Variants in FAM193B observed in about 807,000 individuals in gnomAD.
The protein encoded by FAM193B is family with sequence similarity 193 member B, also known as protein FAM193B.
FAM193B carries 27 observed loss-of-function variants against 70.7 expected under a neutral mutation model. The observed-to-expected ratio is 0.38, with a 90% CI of 0.28 to 0.53. The LOEUF is 0.53. Among genes scored for constraint, FAM193B ranks in the 20% least tolerant of loss-of-function variants. The probability of loss-of-function intolerance (pLI) is 0.81; values close to 1 mark genes in which losing one functional copy is unlikely to be tolerated. For missense variants in FAM193B, 1,022 were observed against 1,072.5 expected, an observed-to-expected ratio of 0.95 and a Z score of 0.66; for synonymous variants, 448 against 436.0, an observed-to-expected ratio of 1.03 and a Z score of -0.34.
At chr5:177,543,433 A>G in intron 1 of FAM193B, among the ~76,000 whole-genome samples, 1 of 152,202 alleles carries the variant, frequency 6.6e-6, no homozygotes. Context: ...CTAAGTCTAC[A>G]TTGAAGACTA....
chr5:177,546,176 G>A (rs1390809084), intron 1 of FAM193B, among the ~76,000 whole-genome samples: 1 of 152,184 alleles, frequency 6.6e-6, no homozygotes, highest in Admixed American at 6.5e-5. Context: ...GCTAAGTGCC[G>A]GGAAACATCT....
intron 4 of FAM193B, among the ~76,000 whole-genome samples, chr5:177,535,800 T>C (rs904668801): frequency 6.6e-6 from 1 of 152,172 alleles, no homozygotes; most frequent in Admixed American, 6.5e-5. Flanking sequence ...TACAGAAACA[T>C]GGTGAAAATA....
At chr5:177,553,893 G>C (rs1173494873) in intron 1 of FAM193B, 3 of 1,230,784 alleles carry the variant, frequency 2.4e-6, no homozygotes, top group African/African-American at 3.1e-5. Context: ...CTGTGGCTGA[G>C]GGAGCAGGTG....
intron 1 of FAM193B, chr5:177,552,075 C>G: frequency 3.0e-6 from 3 of 985,378 alleles, no homozygotes; most frequent in Non-Finnish European, 3.6e-6. Context: ...TGTCTGACAC[C>G]TACAGTTGGA....
chr5:177,523,822 G>A lies in FAM193B; in HGVS notation c.2372+135C>T, dbSNP rs28629788. 47 of 925,408 alleles carry A rather than the reference G, an allele frequency of 5.1e-5. No individual in the cohort carries two copies. The East Asian group carries it at 1.2e-3, about 24-fold the overall frequency. 57.3% of individuals were successfully genotyped at this position (925,408 alleles called of 1,614,324 possible). A position where few individuals can be genotyped will look rare whatever the true frequency, so the allele number is the denominator to read the frequency against. ...GGCAGGCTGGTGGGAGAGGGCCTGG[G>A]GGGGCGGTGAGCCTCCCCAAGGGGT... On this transcript the variant is annotated intron_variant, in intron 7 of 8. Coordinates refer to ENST00000514747, the MANE Select transcript of FAM193B (RefSeq NM_001190946.3).
At chr5:177,523,919 G>A in intron 7 of FAM193B, 38 bp downstream of exon 7, 4 of 1,607,602 alleles carry the variant, frequency 2.5e-6, no homozygotes, top group Non-Finnish European at 3.4e-6. Flanking sequence ...AGGACCTGGA[G>A]TCCTCCACAA....
At chr5:177,553,485 T>A in intron 1 of FAM193B, 5 of 1,107,584 alleles carry the variant, frequency 4.5e-6, no homozygotes, top group African/African-American at 1.7e-5. Context: ...TCAGTGAACT[T>A]TGGCAGGGTA....
chr5:177,538,792 A>G lies in FAM193B; in HGVS notation c.453+113T>C. ...TGCCAGTGCAGCCCAGAAGTCTCTC[A>G]GTGCCTGGGCATGGGAGCTGCCCAA... On this transcript the variant is annotated intron_variant, in intron 2 of 8. Coordinates refer to ENST00000514747, the MANE Select transcript of FAM193B (RefSeq NM_001190946.3). This position sits in a 1 kb window ranked among gnomAD's most constrained non-coding sequence, Gnocchi z 4.1. The G allele has an allele frequency of 7.1e-7, 1 of 1,401,222 alleles. No individual in the cohort carries two copies. The highest frequency in any genetic ancestry group is 9.8e-7 in the Non-Finnish European group (1 of 1,024,124). The allele number at this position is 1,401,222 out of a possible 1,614,324, so 86.8% of individuals were successfully genotyped here.
chr5:177,528,637 G>C (rs557398022), intron 5 of FAM193B, among the ~76,000 whole-genome samples: 14 of 152,362 alleles, frequency 9.2e-5, no homozygotes, highest in African/African-American at 3.4e-4. Context: ...GAGAATCCCT[G>C]TATAATGGCT....
At position 177,538,055 on chromosome 5, in the gene FAM193B, TGA is replaced by T; in HGVS notation, c.504_505del (p.His169PhefsTer27). On this transcript the variant is annotated frameshift_variant, in exon 3 of 9. Coordinates refer to ENST00000514747, the MANE Select transcript of FAM193B (RefSeq NM_001190946.3). LOFTEE classifies it high-confidence loss of function. The surrounding 1 kb of genome is among the most constrained non-coding windows in gnomAD (Gnocchi z 4.1). ...TGATGAGGAGGAAGACGAGGACGAA[TGA>T]GAGTCATCTCCACAAGACTGTGATT... 6.4e-7 allele frequency: 1 copy of T among 1,552,420 alleles called. No homozygotes were observed. Among genetic ancestry groups the T allele is most frequent in the Non-Finnish European group, 8.7e-7 (1 of 1,147,192 alleles).
chr5:177,531,234 GGTCC>G, intron 5 of FAM193B: 1 of 1,223,268 alleles, frequency 8.2e-7, no homozygotes, highest in Non-Finnish European at 1.1e-6. Context: ...TTGGGGCGAG[GGTCC>G]TCAGGGAGGA....
intron 4 of FAM193B, among the ~76,000 whole-genome samples, chr5:177,533,541 GT>G (rs1421861111): frequency 6.6e-6 from 1 of 152,122 alleles, no homozygotes; most frequent in Non-Finnish European, 1.5e-5. Context: ...TCCTGACCTA[GT>G]TGATCCACCT....
At chr5:177,522,098 A>G in intron 7 of FAM193B, 27 bp from the exon 8 acceptor site, 6 of 1,578,414 alleles carry the variant, frequency 3.8e-6, no homozygotes, top group African/African-American at 1.3e-5. Context: ...ACACATGAGA[A>G]GCACAATCAG....
Position 177,537,483 on chromosome 5 carries a change from C to G in FAM193B, c.688+390G>C, listed in dbSNP as rs1764306838. Among the ~76,000 whole-genome samples, 2 of 152,170 alleles carry G rather than the reference C, an allele frequency of 1.3e-5. 1 individual carries two copies. The highest frequency in any genetic ancestry group is 4.1e-4 in the South Asian group (2 of 4,824). ...TTAAATTCAGTGCTTTTATACCCAT[C>G]CCTTAGGTGGGGAAATCAAGGCCTA... is the stretch of plus-strand genomic sequence containing the variant. On this transcript the variant is annotated intron_variant, in intron 3 of 8. Coordinates refer to ENST00000514747, the MANE Select transcript of FAM193B (RefSeq NM_001190946.3).
rs369044126 is a variant in FAM193B at position 177,525,033 on chromosome 5, T to C, written c.1448A>G (p.Lys483Arg). 3.2e-6 allele frequency: 5 copies of C among 1,579,026 alleles called. No homozygotes were observed. Among genetic ancestry groups the C allele is most frequent in the African/African-American group, 1.4e-5 (1 of 73,362 alleles). Reference sequence around the variant, plus strand: ...ACTGAAGCTGGCACGGATGGAGTCTTTGACAGTGTTTTTGATCTCCTGCAG... The same window carrying C: ...ACTGAAGCTGGCACGGATGGAGTCTCTGACAGTGTTTTTGATCTCCTGCAG... ...SRLQEIKNTV[K>R]DSIRASFSVC... The change falls in exon 6 of 9, where the codon AAA (lysine) becomes AGA (arginine). Residue 483 changes from lysine to arginine, a missense_variant. Lys to Arg is a conservative substitution (Grantham distance 26). Coordinates refer to ENST00000514747, the MANE Select transcript of FAM193B (RefSeq NM_001190946.3).
intron 1 of FAM193B, among the ~76,000 whole-genome samples, chr5:177,549,185 T>G (rs1765856667): frequency 8.4e-6 from 1 of 118,870 alleles, no homozygotes; most frequent in Admixed American, 1.1e-4. Flanking sequence ...GGATTGTCTT[T>G]TCTTTTTTTT....
Position 177,523,982 on chromosome 5 carries a change from C to T in FAM193B, c.2347G>A (p.Asp783Asn). 6.2e-7 allele frequency: 1 copy of T among 1,614,028 alleles called. No individual in the cohort carries two copies. The highest frequency in any genetic ancestry group is 8.5e-7 in the Non-Finnish European group (1 of 1,179,898). Reference sequence around the variant, plus strand: ...CTCTTAAAGTACTCCACCTCTCGGTCAGTCTCATCCATCTCCACCCCGTCC... The same window carrying T: ...CTCTTAAAGTACTCCACCTCTCGGTTAGTCTCATCCATCTCCACCCCGTCC... ...DMDGVEMDETDREVEYFKRFC... is the reference protein window; with the variant it reads ...DMDGVEMDETNREVEYFKRFC... Residue 783 changes from aspartate (D) to asparagine (N), a missense_variant, in exon 7 of 9, where the codon GAC (aspartate) becomes AAC (asparagine). Physicochemically the swap from Asp to Asn is conservative, Grantham distance 23. Transcript: ENST00000514747.
chr5:177,524,690 G>A lies in FAM193B; in HGVS notation c.1791C>T (p.Ile597=), dbSNP rs1255008736. The A allele has an allele frequency of 6.2e-7, 1 of 1,603,780 alleles. No homozygotes were observed. Among genetic ancestry groups the A allele is most frequent in the South Asian group, 1.1e-5 (1 of 89,542 alleles). Residue 597 remains isoleucine (I), a synonymous_variant, in exon 6 of 9, where the codon ATC becomes ATT. Coordinates refer to ENST00000514747, the MANE Select transcript of FAM193B (RefSeq NM_001190946.3). Reference sequence around the variant, plus strand: ...AGCCCGGCTTGGGTGTCTTGACCCAGATCACCCGGGATAGGTTGGGCACGG... The same window carrying A: ...AGCCCGGCTTGGGTGTCTTGACCCAAATCACCCGGGATAGGTTGGGCACGG... The part of the protein sequence containing the change: ...LNTVPNLSRV[I]WVKTPKPGYP...
intron 1 of FAM193B, chr5:177,553,680 T>G (rs1036194798): frequency 7.8e-7 from 1 of 1,287,082 alleles, no homozygotes; most frequent in African/African-American, 1.5e-5. Flanking sequence ...GGTTTCCACC[T>G]CAGTGCAGAA....
Sources: allele counts gnomAD v4.1 joint callset (sites outside exome capture counted in the v4.1 genomes callset), GRCh38; gene constraint gnomAD v4.1.1; non-coding constraint Gnocchi (gnomAD v3.1); transcripts MANE v1.5; gene names NCBI Gene and HGNC (gene_info 2026-07-23, HGNC 2026-07-21).